The following NR3C1 variants were observed in gnomAD, a reference collection of about 807,000 sequenced individuals.
NR3C1 encodes glucocorticoid receptor.
NR3C1 carries 14 observed loss-of-function variants against 74.0 expected under a neutral mutation model. The observed-to-expected ratio is 0.19, with a 90% CI of 0.12 to 0.30. The LOEUF (loss-of-function observed/expected upper bound fraction) is 0.30, where lower values mean the gene tolerates loss of function less well. Ranked by LOEUF, NR3C1 falls within the 10% of genes least tolerant of loss-of-function variation. NR3C1 has a pLI of 1.00. For synonymous variants in NR3C1, 308 were observed against 332.5 expected (o/e 0.93, Z 0.80); for missense variants, 695 against 909.8 (o/e 0.76, Z 3.04).
chr5:143,335,130 T>G (rs544778412), intron 2 of NR3C1, among the ~76,000 whole-genome samples: 2 of 152,278 alleles, frequency 1.3e-5, no homozygotes, highest in African/African-American at 4.8e-5. Context: ...AGGAGGCAAT[T>G]TGATTCTCTC....
In NR3C1 at chr5:143,279,472, A is replaced by G; in HGVS notation, c.*2417T>C. 1 of 1,452,132 alleles carries G rather than the reference A, an allele frequency of 6.9e-7. No individual in the cohort carries two copies. Among genetic ancestry groups the G allele is most frequent in the South Asian group, 1.5e-5 (1 of 66,990 alleles). The allele number at this position is 1,452,132 out of a possible 1,614,324, so 90.0% of individuals were successfully genotyped here. On this transcript the variant is annotated 3_prime_UTR_variant, in exon 9 of 9. Transcript: ENST00000394464. ...TTTTTGAAACTTAACACTGTCATTG[A>G]TAAGAATATTCAAGCAGTTTTCTTA... is the stretch of plus-strand genomic sequence containing the variant.
chr5:143,297,652 T>C (rs942368093), intron 6 of NR3C1, among the ~76,000 whole-genome samples: 1 of 152,234 alleles, frequency 6.6e-6, no homozygotes, highest in Non-Finnish European at 1.5e-5. Context: ...CTTCATTTTT[T>C]ATTCTTCTTA....
upstream of NR3C1, chr5:143,404,522 C>G: frequency 1.0e-6 from 1 of 980,186 alleles, no homozygotes; most frequent in Non-Finnish European, 1.2e-6. Flanking sequence ...CCGACCGTCC[C>G]CCACCCTCTT....
At chr5:143,340,646 C>T (rs1398850178) in intron 2 of NR3C1, among the ~76,000 whole-genome samples, 1 of 151,828 alleles carries the variant, frequency 6.6e-6, no homozygotes, top group African/African-American at 2.4e-5. Flanking sequence ...CCACGCCCAG[C>T]TATTTTTTGT....
chr5:143,337,832 T>A (rs1827437997), intron 2 of NR3C1, among the ~76,000 whole-genome samples: 1 of 152,164 alleles, frequency 6.6e-6, no homozygotes, highest in African/African-American at 2.4e-5. Context: ...GATGTTTATA[T>A]AGGTAGTAAG....
intron 2 of NR3C1, chr5:143,332,882 A>G (rs1826290145): frequency 6.7e-7 from 1 of 1,497,608 alleles, no homozygotes. Flanking sequence ...CCTAGAATCT[A>G]AAAATGCTGC....
rs1813151216 is a variant in NR3C1, at chr5:143,281,784, CAATA to C, written c.*101_*104del. Reference sequence around the variant, plus strand: ...TTTAAAACAAAACAACAGATGAAAACAATAAAAAATAAAACAACAAAACCTCTAC... The same window carrying C: ...TTTAAAACAAAACAACAGATGAAAACAAAAATAAAACAACAAAACCTCTAC... On this transcript the variant is annotated 3_prime_UTR_variant, in exon 9 of 9. Coordinates refer to ENST00000394464, the MANE Select transcript of NR3C1 (RefSeq NM_000176.3). The C allele has an allele frequency of 7.9e-7, 1 of 1,264,708 alleles. No homozygotes were observed. The highest frequency in any genetic ancestry group is 1.5e-5 in the African/African-American group (1 of 66,908). The allele number at this position is 1,264,708 out of a possible 1,614,324, so 78.3% of individuals were successfully genotyped here.
chr5:143,367,800 TTA>T (rs1168507150), intron 2 of NR3C1, among the ~76,000 whole-genome samples: 1 of 152,242 alleles, frequency 6.6e-6, no homozygotes, highest in African/African-American at 2.4e-5. Context: ...CTACTAATTG[TTA>T]TGATGGCAAT....
intron 1 of NR3C1, chr5:143,402,665 C>T (rs767472261): frequency 3.8e-4 from 371 of 985,388 alleles, no homozygotes; most frequent in Non-Finnish European, 4.3e-4. Context: ...GCCGCAGTCT[C>T]CAAGTTGCGG....
In NR3C1 at chr5:143,279,255, A is replaced by G. The variant is rs1812753240; in HGVS notation, c.*2634T>C. On this transcript the variant is annotated 3_prime_UTR_variant, in exon 9 of 9. Transcript: ENST00000394464. ...TTTCCCATTTAATGAAAAGCCTCCT[A>G]TAGTTGTCGATGAGCATCAGTTGAC... is the stretch of plus-strand genomic sequence containing the variant. 5.5e-6 allele frequency: 7 copies of G among 1,271,440 alleles called. No homozygotes were observed. The highest frequency in any genetic ancestry group is 6.5e-6 in the Non-Finnish European group (6 of 928,012). The allele number at this position is 1,271,440 out of a possible 1,614,324, so 78.8% of individuals were successfully genotyped here. A position where few individuals can be genotyped will look rare whatever the true frequency, so the allele number is the denominator to read the frequency against.
At chr5:143,353,767 A>G (rs1830632705) in intron 2 of NR3C1, among the ~76,000 whole-genome samples, 1 of 152,178 alleles carries the variant, frequency 6.6e-6, no homozygotes, top group Non-Finnish European at 1.5e-5. Flanking sequence ...TAGATTAAGC[A>G]TAAGTCTTAA....
intron 2 of NR3C1, among the ~76,000 whole-genome samples, chr5:143,357,842 G>A (rs765117123): frequency 1.3e-5 from 2 of 152,136 alleles, no homozygotes; most frequent in Non-Finnish European, 2.9e-5. Context: ...AGGCCATTCC[G>A]AAAGTCTCCC....
chr5:143,354,620 T>A (rs933584377), intron 2 of NR3C1, among the ~76,000 whole-genome samples: 2 of 152,052 alleles, frequency 1.3e-5, no homozygotes, highest in African/African-American at 4.8e-5. Flanking sequence ...AGGTGAGGTT[T>A]ATGGTGCCTG....
chr5:143,282,529 C>T (rs757704932), intron 8 of NR3C1, 39 bp downstream of exon 8: 1 of 1,612,036 alleles, frequency 6.2e-7, no homozygotes, highest in South Asian at 1.1e-5. Flanking sequence ...TACTTTGTCC[C>T]AGAAAACTCT....
rs1426382191 is a variant in NR3C1 at position 143,400,796 on chromosome 5, G to A, written c.44C>T (p.Pro15Leu). Residue 15 changes from proline to leucine, a missense_variant, in exon 2 of 9, where the codon CCC becomes CTC. Coordinates refer to ENST00000394464, the MANE Select transcript of NR3C1 (RefSeq NM_000176.3). Reference sequence around the variant, plus strand: ...CCTCTCCTGAGCAAGCACACTGCTGGGGTTTTCTTCTCTACCAGGAGTTAA... The same window carrying A: ...CCTCTCCTGAGCAAGCACACTGCTGAGGTTTTCTTCTCTACCAGGAGTTAA... ...ESLTPGREEN[P>L]SSVLAQERGD... is the part of the protein sequence containing the mutation. The A allele has an allele frequency of 2.5e-6, 4 of 1,614,052 alleles. No individual in the cohort carries two copies. The highest frequency in any genetic ancestry group is 3.4e-6 in the Non-Finnish European group (4 of 1,180,022).
At chr5:143,336,278 A>G (rs1195481655) in intron 2 of NR3C1, among the ~76,000 whole-genome samples, 1 of 152,230 alleles carries the variant, frequency 6.6e-6, no homozygotes, top group Non-Finnish European at 1.5e-5. Context: ...TGACCAGTCA[A>G]ATGTAGTTCT....
rs6189 is a variant in NR3C1 at position 143,400,774 on chromosome 5, C to A, written c.66G>T (p.Glu22Asp). Residue 22 changes from glutamate (E) to aspartate (D), a missense_variant, in exon 2 of 9, where the codon GAG becomes GAT. By Grantham distance (45) the Glu-to-Asp change is conservative. This residue lies in a region of NR3C1 where 497 missense variants were observed against 489.5 expected (regional missense o/e 1.02). Coordinates refer to ENST00000394464, the MANE Select transcript of NR3C1 (RefSeq NM_000176.3). ...EENPSSVLAQ[E>D]RGDVMDFYKT... The stretch of plus-strand genomic sequence containing the variant: ...TATAGAAGTCCATCACATCTCCCCT[C>A]TCCTGAGCAAGCACACTGCTGGGGT... The A allele has an allele frequency of 6.2e-7, 1 of 1,614,182 alleles. No individual in the cohort carries two copies. Among genetic ancestry groups the A allele is most frequent in the Non-Finnish European group, 8.5e-7 (1 of 1,180,030 alleles).
chr5:143,435,093 G>A, exon 1 of NR3C1: 1 of 985,380 alleles, frequency 1.0e-6, no homozygotes, highest in Non-Finnish European at 1.2e-6. Context: ...GTCTGATGCT[G>A]GGAATTTTAT....
intron 2 of NR3C1, among the ~76,000 whole-genome samples, chr5:143,392,139 G>C (rs988555538): frequency 2.0e-5 from 3 of 151,946 alleles, no homozygotes; most frequent in African/African-American, 7.3e-5. Flanking sequence ...CTAATTTTCT[G>C]TATTTTTAGT....
Sources: gnomAD v4.1 joint callset for allele counts (sites outside exome capture counted in the v4.1 genomes callset) on GRCh38, gnomAD v4.1.1 for gene constraint, gnomAD v4.1.1 regional missense constraint, MANE v1.5 for transcripts, NCBI Gene and HGNC (gene_info 2026-07-23, HGNC 2026-07-21) for gene names.